OXSR1: variants seen among roughly 807,000 people sequenced by gnomAD.
The protein encoded by OXSR1 is serine/threonine-protein kinase OSR1.
A neutral mutation model predicts 79.8 loss-of-function variants in OXSR1; 24 were observed. The observed-to-expected ratio is 0.30, with a 90% CI of 0.22 to 0.42. The LOEUF (loss-of-function observed/expected upper bound fraction) is 0.42, where lower values mean the gene tolerates loss of function less well. Among genes scored for constraint, OXSR1 ranks in the 10% least tolerant of loss-of-function variants. The pLI is 1.00. For missense variants in OXSR1, 430 were observed against 618.4 expected (o/e 0.70, Z 3.23); for synonymous variants, 226 against 209.2 (o/e 1.08, Z -0.69).
intron 3 of OXSR1, 67 bp from the exon 4 acceptor site, chr3:38,198,655 C>A (rs1346300002): frequency 1.6e-6 from 2 of 1,276,728 alleles, no homozygotes; most frequent in African/African-American, 2.9e-5. Flanking sequence ...TGTTTTGATT[C>A]TAAAATGGAT....
chr3:38,168,970 A>G (rs1157625441), intron 1 of OXSR1, among the ~76,000 whole-genome samples: 4 of 152,218 alleles, frequency 2.6e-5, no homozygotes, highest in Non-Finnish European at 5.9e-5. Flanking sequence ...TTTTTCTTGG[A>G]TGTATACCCA....
At position 38,252,982 on chromosome 3, in the gene OXSR1, C is replaced by T. The variant is rs553203024; in HGVS notation, c.*91C>T. On this transcript the variant is annotated 3_prime_UTR_variant, in exon 18 of 18. Coordinates refer to ENST00000311806, the MANE Select transcript of OXSR1 (RefSeq NM_005109.3). ...GCCTAAACCCACTACTGCCAAAGAA[C>T]CCAGCAACAAACCTCCCGGCTAGGA... The T allele has an allele frequency of 1.5e-4, 147 of 1,010,534 alleles. 3 individuals are homozygous for T. The East Asian group carries it at 3.1e-3, about 22-fold the overall frequency. The allele number at this position is 1,010,534 out of a possible 1,614,324, so 62.6% of individuals were successfully genotyped here.
At chr3:38,227,533 G>A (rs1702713471) in intron 8 of OXSR1, among the ~76,000 whole-genome samples, 1 of 143,390 alleles carries the variant, frequency 7.0e-6, no homozygotes, top group Admixed American at 7.2e-5. Context: ...GTATGTTTGT[G>A]TGTATGCACA....
rs1703305654 is a variant in OXSR1, at chr3:38,253,730, T to C, written c.*839T>C. On this transcript the variant is annotated 3_prime_UTR_variant, in exon 18 of 18. Transcript: ENST00000311806. ...TTGGAGAAGTATTTATTTTCAAATA[T>C]CAAATTGAAGAAAAACTCAATCCTC... 1 of 155,974 alleles carries C rather than the reference T, an allele frequency of 6.4e-6. No individual in the cohort carries two copies. The highest frequency in any genetic ancestry group is 2.1e-4 in the South Asian group (1 of 4,860). The allele number at this position is 155,974 out of a possible 1,614,324, so 9.7% of individuals were successfully genotyped here.
At chr3:38,213,462 T>G (rs561363959) in intron 4 of OXSR1, among the ~76,000 whole-genome samples, 55 of 152,254 alleles carry the variant, frequency 3.6e-4, no homozygotes, top group African/African-American at 1.3e-3. Flanking sequence ...AAGGAGACAT[T>G]GCAGCTGAAT....
intron 1 of OXSR1, among the ~76,000 whole-genome samples, chr3:38,173,360 C>T (rs1273060767): frequency 6.6e-6 from 1 of 152,128 alleles, no homozygotes; most frequent in African/African-American, 2.4e-5. Flanking sequence ...TAGCTTTAAT[C>T]TGAAGAGGTA....
intron 3 of OXSR1, chr3:38,193,329 T>C: frequency 7.8e-7 from 1 of 1,289,548 alleles, no homozygotes; most frequent in Non-Finnish European, 1.0e-6. Flanking sequence ...CCTGTTCATA[T>C]GATGGTTGGA....
At chr3:38,248,285 G>C (rs1161384679) in intron 14 of OXSR1, among the ~76,000 whole-genome samples, 3 of 151,958 alleles carry the variant, frequency 2.0e-5, no homozygotes, top group African/African-American at 7.2e-5. Context: ...CTGACAGATT[G>C]CTCAGCAGGA....
At chr3:38,183,628 C>G (rs1701827841) in intron 2 of OXSR1, among the ~76,000 whole-genome samples, 1 of 152,112 alleles carries the variant, frequency 6.6e-6, no homozygotes, top group Non-Finnish European at 1.5e-5. Flanking sequence ...CTTTGAAAGG[C>G]TCTGGCCTTT....
intron 14 of OXSR1, 144 bp from the exon 15 acceptor site, chr3:38,249,822 A>T: frequency 1.6e-6 from 1 of 626,238 alleles, no homozygotes; most frequent in Non-Finnish European, 2.9e-6. Flanking sequence ...TGAGCTCTGC[A>T]GTGTGAACAT....
intron 10 of OXSR1, among the ~76,000 whole-genome samples, chr3:38,233,057 T>C (rs1396426158): frequency 2.0e-5 from 3 of 151,958 alleles, no homozygotes; most frequent in Non-Finnish European, 4.4e-5. Context: ...TAAGATAGAG[T>C]TAGACTCTGG....
At chr3:38,205,076 C>T (rs1034160159) in intron 4 of OXSR1, among the ~76,000 whole-genome samples, 2 of 152,088 alleles carry the variant, frequency 1.3e-5, no homozygotes, top group Non-Finnish European at 2.9e-5. Context: ...CCTGGTGTTG[C>T]GTTCTGCTGT....
In OXSR1 at chr3:38,236,655, G is replaced by A. The variant is rs1237193601; in HGVS notation, c.952-184G>A. On this transcript the variant is annotated intron_variant, in intron 10 of 17. Coordinates refer to ENST00000311806, the MANE Select transcript of OXSR1 (RefSeq NM_005109.3). ...GTACAGCGGTTGTTACTAAAGACAG[G>A]TAGTAGAGATTGTCAACAGAGAGCA... The A allele has an allele frequency of 3.2e-5, 14 of 441,194 alleles. No individual in the cohort carries two copies. The East Asian group carries it at 4.2e-4, about 13-fold the overall frequency. 27.3% of individuals were successfully genotyped at this position (441,194 alleles called of 1,614,324 possible). A position where few individuals can be genotyped will look rare whatever the true frequency, so the allele number is the denominator to read the frequency against.
intron 10 of OXSR1, among the ~76,000 whole-genome samples, chr3:38,234,192 A>G (rs968128936): frequency 1.3e-5 from 2 of 152,246 alleles, no homozygotes; most frequent in African/African-American, 4.8e-5. Flanking sequence ...TGAGCTAGGC[A>G]AAGCTTCCTT....
chr3:38,185,119 C>A (rs1327915006), intron 2 of OXSR1, among the ~76,000 whole-genome samples: 1 of 149,188 alleles, frequency 6.7e-6, no homozygotes, highest in Non-Finnish European at 1.5e-5. Flanking sequence ...AAGACTCCAT[C>A]TCTGAAAAAA....
intron 10 of OXSR1, chr3:38,230,742 G>T (rs1702787933): frequency 4.0e-6 from 1 of 252,010 alleles, no homozygotes; most frequent in South Asian, 5.4e-5. Context: ...ATAGCTTTGG[G>T]TATAAGTCAC....
intron 8 of OXSR1, among the ~76,000 whole-genome samples, chr3:38,226,058 A>G (rs1283545975): frequency 6.6e-6 from 1 of 152,156 alleles, no homozygotes; most frequent in Non-Finnish European, 1.5e-5. Flanking sequence ...TTATCCAGGA[A>G]CCCACAGGAT....
intron 1 of OXSR1, among the ~76,000 whole-genome samples, chr3:38,174,548 C>T (rs1051043424): frequency 6.6e-6 from 1 of 152,162 alleles, no homozygotes; most frequent in Non-Finnish European, 1.5e-5. Context: ...CGCCACTGCA[C>T]TCCAGCCTGG....
intron 11 of OXSR1, 41 bp downstream of exon 11, chr3:38,237,002 GT>G (rs1437649964): frequency 5.1e-6 from 8 of 1,568,570 alleles, no homozygotes; most frequent in Non-Finnish European, 4.3e-6. Flanking sequence ...AGAACTTTTT[GT>G]AGTTCTTGTT....
Sources: gnomAD v4.1 joint callset for allele counts (sites outside exome capture counted in the v4.1 genomes callset) on GRCh38, gnomAD v4.1.1 for gene constraint, MANE v1.5 for transcripts, NCBI Gene and HGNC (gene_info 2026-07-23, HGNC 2026-07-21) for gene names.